Variants in POLN observed in about 807,000 individuals in gnomAD.
POLN encodes the protein DNA polymerase N.
In POLN, 108 loss-of-function variants were observed where a neutral mutation model predicts 113.5. The observed-to-expected ratio is 0.95, with a 90% CI of 0.81 to 1.12. The LOEUF is 1.12. POLN is among the 50% of genes most tolerant of loss of function. The pLI, the probability that POLN is intolerant of heterozygous loss-of-function variation, is 0.00. For missense variants in POLN, 1,097 were observed against 1,077.1 expected, an observed-to-expected ratio of 1.02 and a Z score of -0.26; for synonymous variants, 386 against 391.5, an observed-to-expected ratio of 0.99 and a Z score of 0.17.
intron 16 of POLN, among the ~76,000 whole-genome samples, chr4:2,141,987 C>T (rs1297490424): frequency 1.3e-5 from 2 of 152,174 alleles, no homozygotes; most frequent in Non-Finnish European, 2.9e-5. Context: ...TGGTTCTGCT[C>T]TCATGCTCTC....
At chr4:2,172,508 T>G (rs1266541145) in intron 11 of POLN, among the ~76,000 whole-genome samples, 1 of 152,240 alleles carries the variant, frequency 6.6e-6, no homozygotes. Flanking sequence ...AACCTGTGTC[T>G]CCTGAATTGC....
rs1420149807 is a variant in POLN at position 2,208,314 on chromosome 4, T to C, written c.387A>G (p.Leu129=). Residue 129 remains leucine, a synonymous_variant, in exon 5 of 26, where the codon CTA becomes CTG. Coordinates refer to ENST00000511885, the MANE Select transcript of POLN (RefSeq NM_181808.4). ...GCTTTCTTTTATGCCCCTTTTTCTG[T>C]AGAACTGAAGCCTCTTGATTATACT... is the stretch of plus-strand genomic sequence containing the variant. ...IPQYNQEASV[L]QKKGHKRKHF... is the part of the protein sequence containing the mutation. The C allele has an allele frequency of 1.9e-6, 3 of 1,607,756 alleles. No individual in the cohort carries two copies. The highest frequency in any genetic ancestry group is 3.4e-5 in the Admixed American group (2 of 59,078).
chr4:2,143,121 G>T (rs1732045651), intron 16 of POLN, among the ~76,000 whole-genome samples: 1 of 151,216 alleles, frequency 6.6e-6, no homozygotes, highest in Non-Finnish European at 1.5e-5. Context: ...ATGCATACAT[G>T]AGAAAAAAGA....
At chr4:2,080,701 G>A (rs898651594) in intron 23 of POLN, 7 of 1,379,786 alleles carry the variant, frequency 5.1e-6, no homozygotes, top group Admixed American at 3.0e-5. Flanking sequence ...CAGACACCCC[G>A]AGGAGGAGGG....
chr4:2,115,435 C>A (rs1253291393), intron 19 of POLN, among the ~76,000 whole-genome samples: 1 of 151,968 alleles, frequency 6.6e-6, no homozygotes, highest in East Asian at 1.9e-4. Context: ...TTTCACTTCT[C>A]TATTGAAATT....
At chr4:2,155,153 G>A (rs1732392122) in intron 16 of POLN, among the ~76,000 whole-genome samples, 1 of 152,206 alleles carries the variant, frequency 6.6e-6, no homozygotes, top group South Asian at 2.1e-4. Context: ...TCTTAGATAA[G>A]AAGTATCAAC....
intron 23 of POLN, chr4:2,080,340 T>C (rs1730376290): frequency 1.1e-5 from 11 of 995,100 alleles, no homozygotes; most frequent in Non-Finnish European, 1.2e-5. Flanking sequence ...CTGAGAGAGC[T>C]GTGGCCTGGG....
chr4:2,090,184 T>TAC (rs1234524205), intron 20 of POLN: 2 of 949,466 alleles, frequency 2.1e-6, no homozygotes, highest in African/African-American at 3.3e-5. Flanking sequence ...TAAGACTCCT[T>TAC]ACCTTTTGCT....
intron 5 of POLN, among the ~76,000 whole-genome samples, chr4:2,204,109 C>CA (rs566255148): frequency 0.031 from 1,652 of 53,166 alleles, 73 homozygotes; most frequent in Non-Finnish European, 0.04. Context: ...AACTCTATCA[C>CA]AAAAAAAAAA....
chr4:2,140,253 T>C (rs1423695934), intron 16 of POLN, among the ~76,000 whole-genome samples: 2 of 152,060 alleles, frequency 1.3e-5, no homozygotes, highest in Non-Finnish European at 2.9e-5. Context: ...AATTTTTCTC[T>C]TTTTAGTAGA....
At chr4:2,187,229 T>G (rs1733298513) in intron 7 of POLN, among the ~76,000 whole-genome samples, 1 of 142,990 alleles carries the variant, frequency 7.0e-6, no homozygotes, top group African/African-American at 2.9e-5. Context: ...CTTCCCAAAT[T>G]TTTTGTTTGT....
chr4:2,200,363 G>C (rs935889383), intron 5 of POLN, among the ~76,000 whole-genome samples: 1 of 152,240 alleles, frequency 6.6e-6, no homozygotes, highest in Non-Finnish European at 1.5e-5. Flanking sequence ...ACAGAGCAGA[G>C]TGTGGAGGCT....
In POLN at chr4:2,170,564, T is replaced by C. The variant is rs918476223; in HGVS notation, c.1554+115A>G. 29 of 853,528 alleles carry C rather than the reference T, an allele frequency of 3.4e-5. 1 individual carries two copies. Among genetic ancestry groups the C allele is most frequent in the Non-Finnish European group, 5.0e-5 (27 of 544,198 alleles). The allele number at this position is 853,528 out of a possible 1,614,324, so 52.9% of individuals were successfully genotyped here. ...TGGGGAGCCCCTCTTCTGCAGAAAC[T>C]GCTGCCAGCATGAGGGGACGGCCTG... is the stretch of plus-strand genomic sequence containing the variant. On this transcript the variant is annotated intron_variant, in intron 13 of 25. Transcript: ENST00000511885.
intron 8 of POLN, chr4:2,177,244 G>A (rs1733020039): frequency 2.2e-6 from 1 of 464,568 alleles, no homozygotes; most frequent in Non-Finnish European, 4.3e-6. Context: ...GTATGGCACA[G>A]CTGCACGAGG....
At chr4:2,134,837 T>G (rs1731814141) in intron 16 of POLN, among the ~76,000 whole-genome samples, 1 of 152,180 alleles carries the variant, frequency 6.6e-6, no homozygotes, top group Non-Finnish European at 1.5e-5. Flanking sequence ...ACATAGAAAG[T>G]ATGTAATACG....
In POLN at chr4:2,093,300, G is replaced by C. The variant is rs1730709683; in HGVS notation, c.2065+2551C>G. Among the ~76,000 whole-genome samples the C allele has an allele frequency of 6.6e-6, 1 of 152,224 alleles. No homozygotes were observed. The highest frequency in any genetic ancestry group is 6.5e-5 in the Admixed American group (1 of 15,282). ...GGGGACAAGGCCGGGGCTGCCACAG[G>C]AGACCTACAGAAGCTGCTCAGTCAC... is the stretch of plus-strand genomic sequence containing the variant. On this transcript the variant is annotated intron_variant, in intron 20 of 25. Coordinates refer to ENST00000511885, the MANE Select transcript of POLN (RefSeq NM_181808.4). This position sits in a 1 kb window ranked among gnomAD's most constrained non-coding sequence, Gnocchi z 4.1.
intron 23 of POLN, chr4:2,078,934 T>G: frequency 1.0e-6 from 1 of 985,298 alleles, no homozygotes; most frequent in South Asian, 4.7e-5. Context: ...AGTGAACCGA[T>G]TTTTTCTTTT....
intron 19 of POLN, among the ~76,000 whole-genome samples, chr4:2,113,242 G>T (rs1397718136): frequency 8.3e-6 from 1 of 119,980 alleles, no homozygotes; most frequent in African/African-American, 3.2e-5. Flanking sequence ...GTTGCAGGGT[G>T]GGGGGAGGGG....
chr4:2,229,133 TA>T lies in POLN; in HGVS notation c.98del (p.Leu33Ter). On this transcript the variant is annotated frameshift_variant, in exon 3 of 26. Coordinates refer to ENST00000511885, the MANE Select transcript of POLN (RefSeq NM_181808.4). LOFTEE classifies it high-confidence loss of function. ...KIMSAMHSGD[L>X]VDSKTWGKST... ...TCTTTCCCCAAGTCTTAGAATCCAC[TA>T]AATCACCTGAATGCATAGCAGACAT... The T allele has an allele frequency of 6.2e-7, 1 of 1,610,900 alleles. No individual in the cohort carries two copies. The highest frequency in any genetic ancestry group is 8.5e-7 in the Non-Finnish European group (1 of 1,177,264).
Sources: gnomAD v4.1 joint callset for allele counts (sites outside exome capture counted in the v4.1 genomes callset) on GRCh38, gnomAD v4.1.1 for gene constraint, Gnocchi (gnomAD v3.1) non-coding constraint, MANE v1.5 for transcripts, NCBI Gene and HGNC (gene_info 2026-07-23, HGNC 2026-07-21) for gene names.